LRP1B: variants seen among roughly 807,000 people sequenced by gnomAD.
The protein encoded by LRP1B is low-density lipoprotein receptor-related protein 1B.
Under a neutral mutation model 556.6 loss-of-function variants are expected in LRP1B, and 217 were observed. The ratio of observed to expected loss-of-function variants is 0.39; its 90% CI spans 0.35 to 0.44. LRP1B has a LOEUF of 0.44. Ranked by LOEUF, LRP1B falls within the 20% of genes least tolerant of loss-of-function variation. The pLI, the probability that LRP1B is intolerant of heterozygous loss-of-function variation, is 1.00. For missense variants in LRP1B, 5,053 were observed against 5,620.8 expected (o/e 0.90, Z 3.23); for synonymous variants, 2,047 against 1,865.8 (o/e 1.10, Z -2.50).
intron 1 of LRP1B, among the ~76,000 whole-genome samples, chr2:141,869,731 G>A (rs1443843657): frequency 6.6e-6 from 1 of 152,046 alleles, no homozygotes; most frequent in East Asian, 1.9e-4. Flanking sequence ...AATGTTAAAA[G>A]GATTAAATGA....
chr2:142,035,825 C>T (rs1285931569), intron 1 of LRP1B, among the ~76,000 whole-genome samples: 2 of 151,640 alleles, frequency 1.3e-5, no homozygotes, highest in African/African-American at 4.8e-5. Flanking sequence ...AATTGTATCT[C>T]CCAGAATTCC....
At chr2:141,153,636 ATATT>A (rs1701994862) in intron 7 of LRP1B, among the ~76,000 whole-genome samples, 1 of 140,824 alleles carries the variant, frequency 7.1e-6, no homozygotes, top group Non-Finnish European at 1.5e-5. Flanking sequence ...CTATATATAT[ATATT>A]TATATAGCTT....
chr2:142,099,373 A>G (rs1181732392), intron 1 of LRP1B, among the ~76,000 whole-genome samples: 1 of 151,896 alleles, frequency 6.6e-6, no homozygotes, highest in Non-Finnish European at 1.5e-5. Flanking sequence ...CTACAAACCT[A>G]TTTTATACAA....
chr2:141,091,815 C>G (rs1482786378), intron 7 of LRP1B, among the ~76,000 whole-genome samples: 1 of 152,170 alleles, frequency 6.6e-6, no homozygotes, highest in Non-Finnish European at 1.5e-5. Flanking sequence ...AAGTACACAG[C>G]AAGGCCACCA....
intron 2 of LRP1B, among the ~76,000 whole-genome samples, chr2:141,574,248 G>A (rs1330165535): frequency 6.6e-6 from 1 of 152,084 alleles, no homozygotes; most frequent in Non-Finnish European, 1.5e-5. Context: ...TATCCACCAC[G>A]ATCAAATCAG....
At chr2:141,012,057 A>T (rs1007498209) in intron 14 of LRP1B, among the ~76,000 whole-genome samples, 3 of 152,064 alleles carry the variant, frequency 2.0e-5, no homozygotes, top group Non-Finnish European at 4.4e-5. Context: ...AAATGTTATG[A>T]GGAAAGTATT....
intron 1 of LRP1B, among the ~76,000 whole-genome samples, chr2:141,826,062 T>A (rs937971553): frequency 7.9e-5 from 12 of 152,044 alleles, no homozygotes; most frequent in Non-Finnish European, 1.5e-4. Flanking sequence ...TTATATTTAG[T>A]TAAAATAAGA....
chr2:140,882,920 A>G (rs1366039791), intron 25 of LRP1B, among the ~76,000 whole-genome samples: 1 of 152,202 alleles, frequency 6.6e-6, no homozygotes, highest in Non-Finnish European at 1.5e-5. Context: ...CCTTTCTGCT[A>G]GCCTTTAGGC....
rs756167043 is a variant in LRP1B at position 140,883,888 on chromosome 2, G to A, written c.4098C>T (p.Gly1366=). 6.2e-7 allele frequency: 1 copy of A among 1,613,750 alleles called. No individual in the cohort carries two copies. The highest frequency in any genetic ancestry group is 1.1e-5 in the South Asian group (1 of 91,062). Residue 1366 remains glycine (G), a synonymous_variant, in exon 25 of 91, where the codon GGC becomes GGT. Coordinates refer to ENST00000389484, the MANE Select transcript of LRP1B (RefSeq NM_018557.3). The part of the protein sequence containing the change: ...LDQIEVAKLD[G]SLRTTLIAGA... Reference sequence around the variant, plus strand: ...CTGCTATTAGTGTAGTTCTTAGGGAGCCATCTAGTTTGGCCACTTCGATTT... The same window carrying A: ...CTGCTATTAGTGTAGTTCTTAGGGAACCATCTAGTTTGGCCACTTCGATTT...
At chr2:140,327,851 T>C (rs942686894) in intron 79 of LRP1B, among the ~76,000 whole-genome samples, 3 of 152,052 alleles carry the variant, frequency 2.0e-5, no homozygotes, top group African/African-American at 7.2e-5. Context: ...GGCCATATTT[T>C]GTACTATTGG....
At chr2:142,000,086 TACAA>T (rs1379217534) in intron 1 of LRP1B, among the ~76,000 whole-genome samples, 1 of 151,502 alleles carries the variant, frequency 6.6e-6, no homozygotes, top group East Asian at 1.9e-4. Flanking sequence ...ACAATAAACA[TACAA>T]ACATATTTAA....
chr2:140,850,079 T>G, intron 29 of LRP1B, 23 bp downstream of exon 29: 1 of 1,418,632 alleles, frequency 7.0e-7, no homozygotes, highest in South Asian at 1.2e-5. Flanking sequence ...CTTTTAAAGT[T>G]GTAACATGTA....
intron 4 of LRP1B, 41 bp from the exon 5 acceptor site, chr2:141,247,395 T>G (rs1279474080): frequency 1.9e-6 from 3 of 1,596,184 alleles, no homozygotes; most frequent in Admixed American, 3.5e-5. Flanking sequence ...CAGCTTTATC[T>G]TGGGCACTTT....
intron 3 of LRP1B, among the ~76,000 whole-genome samples, chr2:141,479,863 C>G (rs1156869440): frequency 1.3e-5 from 2 of 151,856 alleles, no homozygotes; most frequent in Non-Finnish European, 2.9e-5. Flanking sequence ...TAATATTGTA[C>G]CATTGTAGAA....
intron 2 of LRP1B, among the ~76,000 whole-genome samples, chr2:141,514,836 T>C (rs1024879664): frequency 1.2e-4 from 18 of 152,000 alleles, no homozygotes; most frequent in African/African-American, 4.4e-4. Context: ...GATACTATCC[T>C]GAAAGTAAAA....
At chr2:140,632,737 A>G (rs1242687846) in intron 41 of LRP1B, among the ~76,000 whole-genome samples, 1 of 152,212 alleles carries the variant, frequency 6.6e-6, no homozygotes, top group Admixed American at 6.5e-5. Flanking sequence ...TTAAAAAATA[A>G]AAACAAGACC....
At position 140,950,274 on chromosome 2, in the gene LRP1B, C is replaced by A; in HGVS notation, c.3097G>T (p.Asp1033Tyr). The change falls in exon 20 of 91, where the codon GAC becomes TAC. Residue 1033 changes from aspartate to tyrosine, a missense_variant. Coordinates refer to ENST00000389484, the MANE Select transcript of LRP1B (RefSeq NM_018557.3). The part of the protein sequence containing the change: ...WACDGDNDCG[D>Y]FSDEAQINCT... ...TTGATCTGGGCTTCATCACTGAAGT[C>A]CCCACAGTCATTGTCACCATCACAG... 1.2e-6 allele frequency: 2 copies of A among 1,610,672 alleles called. No individual in the cohort carries two copies. The highest frequency in any genetic ancestry group is 1.7e-6 in the Non-Finnish European group (2 of 1,178,712).
chr2:141,409,469 C>T (rs571156856), intron 3 of LRP1B, among the ~76,000 whole-genome samples: 1 of 152,036 alleles, frequency 6.6e-6, no homozygotes, highest in African/African-American at 2.4e-5. Context: ...ACATAAGAGA[C>T]GTTCAATACG....
intron 2 of LRP1B, among the ~76,000 whole-genome samples, chr2:141,809,719 C>T (rs1696275253): frequency 7.1e-6 from 1 of 141,232 alleles, no homozygotes. Flanking sequence ...AAGATCCTAA[C>T]TCTATGAATG....
Sources: allele counts gnomAD v4.1 joint callset (sites outside exome capture counted in the v4.1 genomes callset), GRCh38; gene constraint gnomAD v4.1.1; transcripts MANE v1.5; gene names NCBI Gene and HGNC (gene_info 2026-07-23, HGNC 2026-07-21).